Variants in GLIS3 observed in about 807,000 individuals in gnomAD.
GLIS3 encodes zinc finger protein GLIS3.
A neutral mutation model predicts 78.6 loss-of-function variants in GLIS3; 53 were observed. The observed-to-expected ratio is 0.67, with a 90% CI of 0.54 to 0.85. GLIS3 has a LOEUF of 0.85. Ranked by LOEUF, GLIS3 falls within the 40% of genes least tolerant of loss-of-function variation. The pLI is 0.00. For missense variants in GLIS3, 1,703 were observed against 1,231.1 expected (o/e 1.38, Z -5.74); for synonymous variants, 684 against 509.9 (o/e 1.34, Z -4.60).
the GLIS3 span, among the ~76,000 whole-genome samples, chr9:4,439,947 T>C: frequency 6.6e-6 from 1 of 152,210 alleles, no homozygotes; most frequent in Non-Finnish European, 1.5e-5. Context: ...CCTTTCAAAA[T>C]GCTGGGATTA....
intron 2 of GLIS3, among the ~76,000 whole-genome samples, chr9:4,223,230 T>C (rs544899289): frequency 9.2e-5 from 14 of 152,322 alleles, no homozygotes; most frequent in Non-Finnish European, 1.3e-4. Context: ...CCCCAGCACA[T>C]TGCCACATAC....
the GLIS3 span, among the ~76,000 whole-genome samples, chr9:4,403,150 G>A: frequency 6.6e-6 from 1 of 152,252 alleles, no homozygotes; most frequent in East Asian, 1.9e-4. Flanking sequence ...TTATAGGCTA[G>A]GAAAGAATGG....
At chr9:4,297,073 AGAG>A (rs1447258823) in intron 1 of GLIS3, among the ~76,000 whole-genome samples, 2 of 152,116 alleles carry the variant, frequency 1.3e-5, no homozygotes, top group Non-Finnish European at 2.9e-5. Context: ...AGGAGATAAA[AGAG>A]AAGAAGTAGG....
At chr9:4,229,262 G>A (rs1322911649) in intron 2 of GLIS3, among the ~76,000 whole-genome samples, 3 of 152,182 alleles carry the variant, frequency 2.0e-5, no homozygotes, top group African/African-American at 7.2e-5. Context: ...CTTTCACTTT[G>A]TGCAAAAATT....
intron 2 of GLIS3, among the ~76,000 whole-genome samples, chr9:4,203,120 T>C (rs955860810): frequency 3.3e-5 from 5 of 152,064 alleles, no homozygotes; most frequent in Admixed American, 6.6e-5. Flanking sequence ...ACTTAAACAA[T>C]TGAACAAGCA....
chr9:4,389,415 G>A, the GLIS3 span, among the ~76,000 whole-genome samples: 1 of 152,184 alleles, frequency 6.6e-6, no homozygotes, highest in Admixed American at 6.5e-5. Context: ...TGTGAGGGAA[G>A]GGGATTCATT....
chr9:4,012,209 T>C (rs2130043514), intron 4 of GLIS3, among the ~76,000 whole-genome samples: 1 of 152,276 alleles, frequency 6.6e-6, no homozygotes, highest in East Asian at 1.9e-4. Context: ...TGGGGCAGTG[T>C]TTTCCATAGC....
rs1487751749 is a variant in GLIS3, at chr9:4,286,454, A to G, written c.-29T>C. On this transcript the variant is annotated 5_prime_UTR_variant, in exon 2 of 11. Transcript: ENST00000381971. The stretch of plus-strand genomic sequence containing the variant: ...GAAAAACCTGTGGCCAAGACGGTCA[A>G]ATATCCAATGTCACTAATGACTCCT... 6.2e-7 allele frequency: 1 copy of G among 1,612,610 alleles called. No individual in the cohort carries two copies. Among genetic ancestry groups the G allele is most frequent in the South Asian group, 1.1e-5 (1 of 91,000 alleles).
intron 6 of GLIS3, among the ~76,000 whole-genome samples, chr9:3,924,762 T>C (rs936896875): frequency 1.3e-5 from 2 of 152,162 alleles, no homozygotes; most frequent in Non-Finnish European, 2.9e-5. Context: ...AGAAGGGCAA[T>C]AGTGAGCTGT....
At chr9:4,433,911 A>G in the GLIS3 span, among the ~76,000 whole-genome samples, 1 of 152,192 alleles carries the variant, frequency 6.6e-6, no homozygotes, top group Non-Finnish European at 1.5e-5. Flanking sequence ...CCTGGCCAAC[A>G]TGGTGAAACC....
intron 4 of GLIS3, among the ~76,000 whole-genome samples, chr9:3,989,937 T>C (rs1820085315): frequency 6.6e-6 from 1 of 152,156 alleles, no homozygotes; most frequent in African/African-American, 2.4e-5. Flanking sequence ...AGTTCAATAT[T>C]CGGGTTGATA....
chr9:4,074,197 G>T (rs1410947195), intron 4 of GLIS3, among the ~76,000 whole-genome samples: 3 of 152,136 alleles, frequency 2.0e-5, no homozygotes. Context: ...TGAACCAGGG[G>T]TCTCTAGGGG....
intron 2 of GLIS3, among the ~76,000 whole-genome samples, chr9:4,143,498 TG>T (rs1156584110): frequency 6.6e-6 from 1 of 150,776 alleles, no homozygotes; most frequent in Non-Finnish European, 1.5e-5. Flanking sequence ...ACCCAGGAGG[TG>T]GGGGTTGCAG....
chr9:3,858,538 T>C (rs1280902468), intron 8 of GLIS3, among the ~76,000 whole-genome samples: 1 of 152,206 alleles, frequency 6.6e-6, no homozygotes. Context: ...TTTTTCCTAA[T>C]TCAGGCTGAA....
At chr9:4,261,352 T>C (rs1825507696) in intron 2 of GLIS3, among the ~76,000 whole-genome samples, 3 of 151,270 alleles carry the variant, frequency 2.0e-5, no homozygotes, top group African/African-American at 4.9e-5. Context: ...AGAAGAGAAA[T>C]AGGGATGGAA....
intron 4 of GLIS3, among the ~76,000 whole-genome samples, chr9:4,024,070 G>T (rs772835132): frequency 6.6e-6 from 1 of 152,028 alleles, no homozygotes; most frequent in Non-Finnish European, 1.5e-5. Flanking sequence ...CTCCACAGGT[G>T]GTTTGAGAGG....
At chr9:4,296,384 A>C (rs1816509549) in intron 1 of GLIS3, among the ~76,000 whole-genome samples, 1 of 152,060 alleles carries the variant, frequency 6.6e-6, no homozygotes, top group Admixed American at 6.6e-5. Flanking sequence ...GGCAGGGCTA[A>C]TACAAAACGT....
the GLIS3 span, among the ~76,000 whole-genome samples, chr9:4,380,005 G>C: frequency 2.0e-5 from 3 of 152,080 alleles, no homozygotes; most frequent in Non-Finnish European, 4.4e-5. Context: ...GGCTTTGCAA[G>C]TAACTAGTTA....
At chr9:4,406,183 T>C in the GLIS3 span, among the ~76,000 whole-genome samples, 6 of 152,244 alleles carry the variant, frequency 3.9e-5, no homozygotes, top group East Asian at 7.7e-4. Context: ...ATGCCCACTT[T>C]CGTCACAATT....
Sources: allele counts gnomAD v4.1 joint callset (sites outside exome capture counted in the v4.1 genomes callset), GRCh38; gene constraint gnomAD v4.1.1; transcripts MANE v1.5; gene names NCBI Gene and HGNC (gene_info 2026-07-23, HGNC 2026-07-21).